Variants in CLEC12A observed in about 807,000 individuals in gnomAD.
CLEC12A encodes C-type lectin protein CLL-1.
Under a neutral mutation model 26.5 loss-of-function variants are expected in CLEC12A, and 22 were observed. The observed-to-expected ratio is 0.83, with a 90% CI of 0.59 to 1.19. The LOEUF (loss-of-function observed/expected upper bound fraction) is 1.19, where lower values mean the gene tolerates loss of function less well. CLEC12A is among the 50% of genes most tolerant of loss of function. The pLI is 0.00. For synonymous variants in CLEC12A, 119 were observed against 101.9 expected, an observed-to-expected ratio of 1.17 and a Z score of -1.01; for missense variants, 353 against 315.6, an observed-to-expected ratio of 1.12 and a Z score of -0.90.
At chr12:9,971,402 G>C (rs1864117209), upstream of CLEC12A, 1 of 1,207,782 alleles carries the variant, frequency 8.3e-7, no homozygotes, top group East Asian at 3.6e-5. Context: ...AGCCACAGAT[G>C]AGATTTGGCT....
chr12:9,991,593 T>G (rs1400869820), intron 4 of CLEC12A: 1 of 152,118 alleles, frequency 6.6e-6, no homozygotes. Flanking sequence ...AAGTAAAATT[T>G]GAGGTATTTC....
At chr12:9,993,567 C>G (rs1339327117) in intron 4 of CLEC12A, among the ~76,000 whole-genome samples, 1 of 151,904 alleles carries the variant, frequency 6.6e-6, no homozygotes, top group African/African-American at 2.4e-5. Flanking sequence ...GGAGATGGCT[C>G]CAAAATAATG....
intron 1 of CLEC12A, among the ~76,000 whole-genome samples, chr12:9,957,203 G>T (rs867478393): frequency 6.6e-6 from 1 of 152,092 alleles, no homozygotes; most frequent in Non-Finnish European, 1.5e-5. Flanking sequence ...TTTTAAAAAG[G>T]TGTGGGTAGG....
chr12:9,996,743 T>G (rs1461463420), downstream of CLEC12A: 1 of 1,188,624 alleles, frequency 8.4e-7, no homozygotes, highest in Middle Eastern at 1.9e-4. Context: ...TAGTACAAAC[T>G]GAAAGATGTT....
intron 1 of CLEC12A, among the ~76,000 whole-genome samples, chr12:9,978,317 C>T (rs148760154): frequency 2.0e-5 from 3 of 152,040 alleles, no homozygotes; most frequent in African/African-American, 7.2e-5. Flanking sequence ...TTCTGGGCTT[C>T]ACTATTCATT....
chr12:9,979,713 TAAC>T (rs978660434), intron 3 of CLEC12A, among the ~76,000 whole-genome samples, 189 bp downstream of exon 3: 2 of 152,182 alleles, frequency 1.3e-5, no homozygotes, highest in African/African-American at 4.8e-5. Context: ...GAAAAAGTAG[TAAC>T]AACAATAGGC....
At chr12:9,995,120 C>G in exon 5 of CLEC12A, 3 of 1,610,034 alleles carry the variant, frequency 1.9e-6, no homozygotes, top group Non-Finnish European at 2.5e-6. Context: ...CCCTCCTATT[C>G]TAAGTGTCCA....
chr12:9,967,592 A>AGG (rs1035632613), upstream of CLEC12A, among the ~76,000 whole-genome samples: 2 of 151,882 alleles, frequency 1.3e-5, no homozygotes, highest in African/African-American at 4.8e-5. Context: ...GAGAAGAGAG[A>AGG]GTAGAGACAT....
rs181419616 is a variant in CLEC12A, at chr12:9,985,321, C to T, written c.*295C>T. The T allele has an allele frequency of 6.0e-4, 239 of 398,974 alleles. No individual in the cohort carries two copies. Among genetic ancestry groups the T allele is most frequent in the Admixed American group, 1.4e-3 (32 of 22,724 alleles). The allele number at this position is 398,974 out of a possible 1,614,324, so 24.7% of individuals were successfully genotyped here. ...GCCTTCGAATTTTCATTTTCATTTA[C>T]GTTCTTCCCCTTCTGGCCAAGATTT... is the stretch of plus-strand genomic sequence containing the variant. On this transcript the variant is annotated 3_prime_UTR_variant, in exon 6 of 6. Coordinates refer to ENST00000304361, the MANE Select transcript of CLEC12A (RefSeq NM_138337.6).
chr12:10,003,094 G>A, the CLEC12A span, among the ~76,000 whole-genome samples: 8 of 152,172 alleles, frequency 5.3e-5, no homozygotes, highest in African/African-American at 1.9e-4. Context: ...TTTGCAACTG[G>A]TGATAGCTAT....
downstream of CLEC12A, chr12:9,997,170 C>T (rs1301671964): frequency 1.2e-6 from 2 of 1,613,934 alleles, no homozygotes; most frequent in East Asian, 2.2e-5. Context: ...TGAAAGTGCC[C>T]TTTAGTTCTG....
chr12:9,979,592 AT>A, intron 3 of CLEC12A, 68 bp downstream of exon 3: 1 of 1,190,140 alleles, frequency 8.4e-7, no homozygotes, highest in Non-Finnish European at 1.2e-6. Flanking sequence ...CTTAAGAATC[AT>A]TTTATAATTA....
intron 1 of CLEC12A, among the ~76,000 whole-genome samples, chr12:9,963,340 C>T (rs1863871363): frequency 6.6e-6 from 1 of 151,102 alleles, no homozygotes; most frequent in Admixed American, 6.6e-5. Context: ...ATACAGAGTC[C>T]TCCTTTTTCA....
At chr12:9,969,696 C>T (rs1864057772), upstream of CLEC12A, among the ~76,000 whole-genome samples, 1 of 152,152 alleles carries the variant, frequency 6.6e-6, no homozygotes, top group African/African-American at 2.4e-5. Context: ...TGTGTGGTGG[C>T]CGGTTTCCAT....
At chr12:9,996,683 T>A (rs1865056046), downstream of CLEC12A, 1 of 752,046 alleles carries the variant, frequency 1.3e-6, no homozygotes, top group African/African-American at 1.7e-5. Flanking sequence ...ATGAGTGGAT[T>A]GAATATCTGG....
upstream of CLEC12A, among the ~76,000 whole-genome samples, chr12:9,969,284 G>A (rs563370745): frequency 9.9e-5 from 15 of 152,194 alleles, no homozygotes; most frequent in South Asian, 2.5e-3. Flanking sequence ...AGTGTTTGAC[G>A]GAATGAATAT....
intron 1 of CLEC12A, chr12:9,951,627 C>A (rs990111024): frequency 3.2e-5 from 15 of 469,194 alleles, no homozygotes; most frequent in African/African-American, 1.6e-4. Context: ...ACTAGCCCAA[C>A]AAACAGGGAG....
chr12:9,969,052 T>C (rs952210172), upstream of CLEC12A, among the ~76,000 whole-genome samples: 1 of 152,082 alleles, frequency 6.6e-6, no homozygotes, highest in Admixed American at 6.5e-5. Flanking sequence ...AAAGAATGAA[T>C]CTCATGGAAG....
intron 1 of CLEC12A, among the ~76,000 whole-genome samples, chr12:9,964,682 C>CACTG (rs896195990): frequency 1.2e-4 from 18 of 151,708 alleles, no homozygotes; most frequent in Non-Finnish European, 2.2e-4. Flanking sequence ...GTAGATGGAA[C>CACTG]AGAAGTTATT....
Sources: allele counts gnomAD v4.1 joint callset (sites outside exome capture counted in the v4.1 genomes callset), GRCh38; gene constraint gnomAD v4.1.1; transcripts MANE v1.5; gene names NCBI Gene and HGNC (gene_info 2026-07-23, HGNC 2026-07-21).